Variants in LGMN observed in about 807,000 individuals in gnomAD.
LGMN encodes asparaginyl endopeptidase.
LGMN carries 36 observed loss-of-function variants against 56.8 expected under a neutral mutation model. The observed-to-expected ratio is 0.63, with a 90% confidence interval of 0.49 to 0.84. LGMN has a LOEUF of 0.84. Among genes scored for constraint, LGMN ranks in the 40% least tolerant of loss-of-function variants. LGMN has a pLI of 0.00. For missense variants in LGMN, 446 were observed against 556.1 expected, an observed-to-expected ratio of 0.80 and a Z score of 1.99; for synonymous variants, 199 against 210.1, an observed-to-expected ratio of 0.95 and a Z score of 0.46.
At chr14:92,725,325 G>T (rs1449853308) in intron 2 of LGMN, among the ~76,000 whole-genome samples, 2 of 152,128 alleles carry the variant, frequency 1.3e-5, no homozygotes. Context: ...GAGGAAAGAG[G>T]ATCACTTGAG....
chr14:92,746,428 A>G (rs573201497), intron 1 of LGMN, among the ~76,000 whole-genome samples: 2 of 152,238 alleles, frequency 1.3e-5, no homozygotes, highest in Admixed American at 1.3e-4. Flanking sequence ...CTCAAGAGAC[A>G]GAGTTTACTT....
chr14:92,718,277 G>A (rs928612441), intron 3 of LGMN, among the ~76,000 whole-genome samples: 1 of 152,072 alleles, frequency 6.6e-6, no homozygotes, highest in Non-Finnish European at 1.5e-5. Context: ...AGTTATGGTC[G>A]AAGCTCAACA....
chr14:92,746,605 A>G (rs1384354463), intron 1 of LGMN, among the ~76,000 whole-genome samples: 1 of 152,162 alleles, frequency 6.6e-6, no homozygotes, highest in Non-Finnish European at 1.5e-5. Context: ...TTTCTCCAAC[A>G]CTTTTCCACA....
intron 1 of LGMN, among the ~76,000 whole-genome samples, chr14:92,737,443 T>A (rs574582043): frequency 6.6e-6 from 1 of 152,186 alleles, no homozygotes; most frequent in African/African-American, 2.4e-5. Context: ...TCAAAAAGCA[T>A]GCCTGCTACT....
intron 2 of LGMN, 118 bp downstream of exon 2, chr14:92,732,531 C>T (rs1891101954): frequency 2.6e-6 from 3 of 1,134,034 alleles, no homozygotes; most frequent in East Asian, 2.4e-5. Flanking sequence ...ATGTTACAGC[C>T]AGCCTAACAG....
rs764089614 is a variant in LGMN at position 92,709,861 on chromosome 14, G to T, written c.831C>A (p.Thr277=). ...VMQYGNKTIS[T]MKVMQFQGMK... is the part of the protein sequence containing the mutation. Reference sequence around the variant, plus strand: ...TACCCTGAAACTGCATCACTTTCATGGTGGAGATTGTCTGGGGAGACAGAC... The same window carrying T: ...TACCCTGAAACTGCATCACTTTCATTGTGGAGATTGTCTGGGGAGACAGAC... The change falls in exon 11 of 14, where the codon ACC becomes ACA. Residue 277 remains threonine (T), a synonymous_variant. Transcript: ENST00000334869. 6.2e-7 allele frequency: 1 copy of T among 1,604,582 alleles called. No homozygotes were observed. Among genetic ancestry groups the T allele is most frequent in the African/African-American group, 1.3e-5 (1 of 74,758 alleles).
intron 3 of LGMN, 88 bp from the exon 4 acceptor site, chr14:92,717,549 A>T (rs907026296): frequency 1.0e-6 from 1 of 982,684 alleles, no homozygotes; most frequent in African/African-American, 1.6e-5. Flanking sequence ...GCGAAAAAAT[A>T]GTAAACGTCT....
At chr14:92,728,730 G>T (rs533597694) in intron 2 of LGMN, among the ~76,000 whole-genome samples, 1 of 152,224 alleles carries the variant, frequency 6.6e-6, no homozygotes, top group Non-Finnish European at 1.5e-5. Flanking sequence ...GACTAGAGTA[G>T]TGATTATAAG....
intron 10 of LGMN, among the ~76,000 whole-genome samples, chr14:92,710,091 G>A (rs1312020631): frequency 2.0e-5 from 3 of 152,178 alleles, no homozygotes; most frequent in Non-Finnish European, 4.4e-5. Context: ...CACCCCAGCA[G>A]TACGCAGGCA....
intron 2 of LGMN, among the ~76,000 whole-genome samples, chr14:92,731,994 T>A (rs1891071264): frequency 6.6e-6 from 1 of 152,034 alleles, no homozygotes; most frequent in Non-Finnish European, 1.5e-5. Context: ...TGTGGGGAAA[T>A]CCAGGAAAGA....
chr14:92,727,450 AAAG>A lies in LGMN; in HGVS notation c.138+5196_138+5198del, dbSNP rs1256054261. 4.8e-3 allele frequency among the ~76,000 whole-genome samples: 731 copies of A among 150,950 alleles called. 3 individuals are homozygous for A. The highest frequency in any genetic ancestry group is 7.9e-3 in the Non-Finnish European group (537 of 67,554). ...CTCACAAAAAAAAAAAAAAAAAAAA[AAAG>A]GACCTGGGTTTGAGATAAAGAGGCT... On this transcript the variant is annotated intron_variant, in intron 2 of 13. Coordinates refer to ENST00000334869, the MANE Select transcript of LGMN (RefSeq NM_005606.7).
In LGMN at chr14:92,708,856, C is replaced by CAAAAAAAAAAAAAAAAA. The variant is rs58813848; in HGVS notation, c.1020+799_1020+815dup. Among the ~76,000 whole-genome samples, 103 of 71,626 alleles carry CAAAAAAAAAAAAAAAAA rather than the reference C, an allele frequency of 1.4e-3. 5 individuals carry two copies. The highest frequency in any genetic ancestry group is 3.2e-3 in the African/African-American group (63 of 19,472). The allele number at this position is 71,626 out of a possible 152,430, so 47.0% of individuals were successfully genotyped here. A position where few individuals can be genotyped will look rare whatever the true frequency, so the allele number is the denominator to read the frequency against. On this transcript the variant is annotated intron_variant, in intron 11 of 13. Transcript: ENST00000334869. ...TGGCGACAGAGCAAGACTCTTGTCT[C>CAAAAAAAAAAAAAAAAA]AAAAAAAAAAAAAAAAAAAAAAAAA...
intron 2 of LGMN, among the ~76,000 whole-genome samples, chr14:92,728,320 C>G (rs754106113): frequency 6.6e-6 from 1 of 152,190 alleles, no homozygotes; most frequent in Non-Finnish European, 1.5e-5. Flanking sequence ...AGGGTTCACG[C>G]TCCTATTAGA....
intron 1 of LGMN, among the ~76,000 whole-genome samples, chr14:92,747,916 G>A (rs1337084073): frequency 1.3e-5 from 2 of 152,074 alleles, no homozygotes; most frequent in Non-Finnish European, 2.9e-5. Context: ...GACGGGAAAG[G>A]AAACCAGTTA....
chr14:92,715,495 C>T (rs1315436958), intron 5 of LGMN, among the ~76,000 whole-genome samples: 3 of 152,208 alleles, frequency 2.0e-5, no homozygotes, highest in Non-Finnish European at 4.4e-5. Flanking sequence ...GGATTACAGG[C>T]GTGAGCCACT....
chr14:92,726,702 CCTT>C (rs1487144226), intron 2 of LGMN, among the ~76,000 whole-genome samples: 2 of 152,168 alleles, frequency 1.3e-5, no homozygotes, highest in Admixed American at 6.5e-5. Flanking sequence ...TTGCCGGTCT[CCTT>C]CTCCCTCGCT....
At chr14:92,729,203 C>CTGGCCCATCT (rs1890904106) in intron 2 of LGMN, among the ~76,000 whole-genome samples, 1 of 149,526 alleles carries the variant, frequency 6.7e-6, no homozygotes, top group Non-Finnish European at 1.5e-5. Flanking sequence ...TCTGCCCATC[C>CTGGCCCATCT]TGGCCCATCT....
chr14:92,737,255 G>A (rs1566935606), intron 1 of LGMN, among the ~76,000 whole-genome samples: 1 of 151,910 alleles, frequency 6.6e-6, no homozygotes, highest in Non-Finnish European at 1.5e-5. Flanking sequence ...CTGGTTCCCC[G>A]CTTCCTGCTT....
intron 5 of LGMN, among the ~76,000 whole-genome samples, chr14:92,715,479 G>T (rs748462832): frequency 6.6e-6 from 1 of 152,190 alleles, no homozygotes. Flanking sequence ...GCCTCCCAAA[G>T]TGCTGGGATT....
Sources: gnomAD v4.1 joint callset for allele counts (sites outside exome capture counted in the v4.1 genomes callset) on GRCh38, gnomAD v4.1.1 for gene constraint, MANE v1.5 for transcripts, NCBI Gene and HGNC (gene_info 2026-07-23, HGNC 2026-07-21) for gene names.